SH3KBP1: variants seen among roughly 807,000 people sequenced by gnomAD.
The protein encoded by SH3KBP1 is SH3 domain containing kinase binding protein 1.
In SH3KBP1, 8 loss-of-function variants were observed where a neutral mutation model predicts 50.1. That is an observed-to-expected ratio of 0.16 (90% CI 0.09 to 0.29). The LOEUF is 0.29. SH3KBP1 is among the 10% of genes least tolerant of loss of function. SH3KBP1 has a pLI of 1.00. For synonymous variants in SH3KBP1, 227 were observed against 218.6 expected, an observed-to-expected ratio of 1.04 and a Z score of -0.34; for missense variants, 377 against 535.2, an observed-to-expected ratio of 0.70 and a Z score of 2.92.
chrX:19,758,539 CA>C (rs1421843027), intron 2 of SH3KBP1, among the ~76,000 whole-genome samples: 2 of 110,734 alleles, frequency 1.8e-5, no homozygotes, highest in African/African-American at 6.6e-5. Context: ...AGGTTAATTA[CA>C]CGATCTCAAA....
chrX:19,653,595 G>A (rs1243811117), intron 6 of SH3KBP1, among the ~76,000 whole-genome samples: 1 of 109,719 alleles, frequency 9.1e-6, no homozygotes, highest in East Asian at 2.9e-4. Flanking sequence ...CCTGTAATCC[G>A]AGCTACTCAG....
intron 12 of SH3KBP1, among the ~76,000 whole-genome samples, chrX:19,584,372 C>T (rs2066494513): frequency 9.6e-6 from 1 of 104,388 alleles, no homozygotes; most frequent in Non-Finnish European, 1.9e-5. Flanking sequence ...CTCTGTTGCC[C>T]AGGCTGGAGT....
At chrX:19,878,254 T>G (rs1432086092) in intron 1 of SH3KBP1, among the ~76,000 whole-genome samples, 1 of 109,982 alleles carries the variant, frequency 9.1e-6, no homozygotes, top group Non-Finnish European at 1.9e-5. Context: ...GTGTGTGAAT[T>G]CGAGGGATCT....
chrX:19,694,755 G>A (rs183459297), intron 5 of SH3KBP1, among the ~76,000 whole-genome samples: 13 of 111,705 alleles, frequency 1.2e-4, no homozygotes, highest in African/African-American at 3.9e-4. Context: ...AAACTAACAC[G>A]AGAACACCAC....
At chrX:19,635,886 ATTG>A (rs1161660470) in intron 7 of SH3KBP1, among the ~76,000 whole-genome samples, 1 of 111,883 alleles carries the variant, frequency 8.9e-6, no homozygotes, top group Non-Finnish European at 1.9e-5. Flanking sequence ...ATGATGGAAT[ATTG>A]TTGTGTTTCA....
chrX:19,743,819 T>C (rs1437253180), intron 3 of SH3KBP1, among the ~76,000 whole-genome samples: 1 of 112,928 alleles, frequency 8.9e-6, no homozygotes, highest in Admixed American at 9.3e-5. Context: ...AGACTCATGA[T>C]AGAAATAGAT....
intron 9 of SH3KBP1, among the ~76,000 whole-genome samples, chrX:19,602,814 G>A (rs1220173535): frequency 8.9e-6 from 1 of 111,989 alleles, no homozygotes; most frequent in Non-Finnish European, 1.9e-5. Context: ...TTTACGGACT[G>A]AGTTGTCAGA....
intron 2 of SH3KBP1, among the ~76,000 whole-genome samples, chrX:19,763,313 T>C (rs928466381): frequency 1.8e-5 from 2 of 112,715 alleles, no homozygotes; most frequent in Non-Finnish European, 3.8e-5. Flanking sequence ...GATTTCCCCA[T>C]ACTATTTTTA....
chrX:19,861,734 C>T (rs916451540), intron 1 of SH3KBP1, among the ~76,000 whole-genome samples: 6 of 111,356 alleles, frequency 5.4e-5, no homozygotes, highest in Non-Finnish European at 1.1e-4. Flanking sequence ...GAAGTGGATG[C>T]CTAATGATTT....
At chrX:19,704,016 T>C (rs962658971) in intron 4 of SH3KBP1, among the ~76,000 whole-genome samples, 2 of 111,175 alleles carry the variant, frequency 1.8e-5, no homozygotes, top group Non-Finnish European at 3.8e-5. Flanking sequence ...AGGACAGATT[T>C]TATATTATAC....
At chrX:19,711,647 G>A (rs1481137112) in intron 3 of SH3KBP1, among the ~76,000 whole-genome samples, 4 of 86,500 alleles carry the variant, frequency 4.6e-5, no homozygotes, top group Admixed American at 3.3e-4. Flanking sequence ...TGGAACAAGA[G>A]TAAAGCTACA....
chrX:19,677,369 G>A (rs1602971915), intron 6 of SH3KBP1, among the ~76,000 whole-genome samples: 1 of 111,692 alleles, frequency 9.0e-6, no homozygotes, highest in East Asian at 2.8e-4. Flanking sequence ...AGGTCCACAG[G>A]TGGGAGACAG....
At chrX:19,688,470 C>CT (rs917597362) in intron 5 of SH3KBP1, among the ~76,000 whole-genome samples, 1 of 111,998 alleles carries the variant, frequency 8.9e-6, no homozygotes, top group Non-Finnish European at 1.9e-5. Flanking sequence ...GTCAAATTAT[C>CT]TTTTTTTGCT....
intron 1 of SH3KBP1, among the ~76,000 whole-genome samples, chrX:19,874,549 G>C (rs1316961625): frequency 2.0e-5 from 2 of 102,388 alleles, no homozygotes; most frequent in African/African-American, 7.2e-5. Context: ...TGTGGAGAAG[G>C]GGGCAGTGGA....
intron 2 of SH3KBP1, among the ~76,000 whole-genome samples, chrX:19,771,399 C>T (rs964038221): frequency 2.7e-5 from 3 of 111,374 alleles, no homozygotes; most frequent in South Asian, 3.7e-4. Context: ...GGAGGGTAAC[C>T]GTAAACTGCA....
At chrX:19,674,567 CTTCA>C (rs1434838731) in intron 6 of SH3KBP1, among the ~76,000 whole-genome samples, 1 of 112,126 alleles carries the variant, frequency 8.9e-6, no homozygotes, top group Non-Finnish European at 1.9e-5. Flanking sequence ...AAAACAGTAT[CTTCA>C]TTCATCCAGT....
At chrX:19,703,579 T>C (rs752507147) in intron 4 of SH3KBP1, among the ~76,000 whole-genome samples, 1 of 111,562 alleles carries the variant, frequency 9.0e-6, no homozygotes, top group African/African-American at 3.3e-5. Flanking sequence ...TAAAATTAGA[T>C]ATTAAGGCAG....
At chrX:19,612,795 G>T (rs1013277295) in intron 8 of SH3KBP1, among the ~76,000 whole-genome samples, 1 of 111,785 alleles carries the variant, frequency 8.9e-6, no homozygotes, top group Admixed American at 9.5e-5. Context: ...CAGAAACACT[G>T]GCAGAAGTGC....
intron 12 of SH3KBP1, 142 bp from the exon 13 acceptor site, chrX:19,569,330 C>G: frequency 1.9e-6 from 1 of 532,887 alleles, no homozygotes; most frequent in Non-Finnish European, 3.3e-6. Context: ...AGAGAACCAA[C>G]GAGCTGTCTA....
Sources: gnomAD v4.1 joint callset for allele counts (sites outside exome capture counted in the v4.1 genomes callset) on GRCh38, gnomAD v4.1.1 for gene constraint, MANE v1.5 for transcripts, NCBI Gene and HGNC (gene_info 2026-07-23, HGNC 2026-07-21) for gene names.